Variants in DHCR24 observed in about 807,000 individuals in gnomAD.
The protein encoded by DHCR24 is 24-dehydrocholesterol reductase.
In DHCR24, 28 loss-of-function variants were observed where a neutral mutation model predicts 61.2. The observed-to-expected ratio is 0.46, with a 90% CI of 0.34 to 0.63. The LOEUF is 0.63. Ranked by LOEUF, DHCR24 falls within the 20% of genes least tolerant of loss-of-function variation. The probability of loss-of-function intolerance (pLI) is 0.01; values close to 1 mark genes in which losing one functional copy is unlikely to be tolerated. For synonymous variants in DHCR24, 261 were observed against 275.9 expected (o/e 0.95, Z 0.54); for missense variants, 538 against 679.1 (o/e 0.79, Z 2.31).
chr1:54,880,688 C>T (rs1250517009), intron 2 of DHCR24, among the ~76,000 whole-genome samples: 1 of 152,112 alleles, frequency 6.6e-6, no homozygotes, highest in Non-Finnish European at 1.5e-5. Flanking sequence ...TTGCTTGAAA[C>T]CGGGAGATGG....
At position 54,875,101 on chromosome 1, in the gene DHCR24, A is replaced by G; in HGVS notation, c.604T>C (p.Cys202Arg). The change falls in exon 4 of 9, where the codon TGC (cysteine) becomes CGC (arginine). Residue 202 changes from cysteine (C) to arginine (R), a missense_variant. Physicochemically the swap from Cys to Arg is radical, Grantham distance 180 (BLOSUM62 -3). Transcript: ENST00000371269. ...LVLADGSFVR[C>R]TPSENSDLFY... ...CCCATTGCTGAACTCACCGGAGTGC[A>G]TCGCACAAAGCTGCCATCAGCCAGG... The G allele has an allele frequency of 1.9e-6, 3 of 1,614,048 alleles. No individual in the cohort carries two copies. Among genetic ancestry groups the G allele is most frequent in the Non-Finnish European group, 2.5e-6 (3 of 1,179,890 alleles).
rs1172133584 is a variant in DHCR24, at chr1:54,871,416, C to G, written c.810G>C (p.Leu270=). The G allele has an allele frequency of 6.2e-7, 1 of 1,614,088 alleles. No homozygotes were observed. Among genetic ancestry groups the G allele is most frequent in the African/African-American group, 1.3e-5 (1 of 74,948 alleles). The stretch of plus-strand genomic sequence containing the variant: ...TGACAGCCTCATCCAGGGAGTAGAG[C>G]AGCCCTTCCACGAAGTGGTTCTCCT... ...QRQENHFVEG[L]LYSLDEAVIM... The change falls in exon 5 of 9, where the codon CTG becomes CTC. Residue 270 remains leucine (L), a synonymous_variant. Transcript: ENST00000371269.
At chr1:54,878,087 T>G (rs952429494) in intron 2 of DHCR24, among the ~76,000 whole-genome samples, 4 of 145,964 alleles carry the variant, frequency 2.7e-5, no homozygotes, top group Admixed American at 6.8e-5. Context: ...GAGGAGAGAG[T>G]TGCACAGAGA....
chr1:54,857,227 G>A (rs555844647), intron 6 of DHCR24, among the ~76,000 whole-genome samples: 18 of 152,318 alleles, frequency 1.2e-4, no homozygotes, highest in African/African-American at 4.3e-4. Flanking sequence ...CCCTTGCTGA[G>A]GCCAGTCATT....
At chr1:54,862,462 G>A (rs561060592) in intron 6 of DHCR24, among the ~76,000 whole-genome samples, 38 of 152,150 alleles carry the variant, frequency 2.5e-4, no homozygotes, top group Non-Finnish European at 4.9e-4. Context: ...TCCTGAAACA[G>A]TCTTCCCTTA....
intron 4 of DHCR24, among the ~76,000 whole-genome samples, chr1:54,872,918 A>G (rs1299011250): frequency 1.3e-5 from 2 of 152,078 alleles, no homozygotes; most frequent in East Asian, 3.8e-4. Context: ...GAAGTGAAGG[A>G]GTCGGGTGGC....
chr1:54,852,091 G>T lies in DHCR24; in HGVS notation c.*142C>A. ...CTGGGCTGCCCCCTGGAAGCCAGGAGGAAGGTGGTGTTGGGCTGTCAGGGT... is the reference window on the plus strand; with the variant it reads ...CTGGGCTGCCCCCTGGAAGCCAGGATGAAGGTGGTGTTGGGCTGTCAGGGT... On this transcript the variant is annotated 3_prime_UTR_variant, in exon 9 of 9. Coordinates refer to ENST00000371269, the MANE Select transcript of DHCR24 (RefSeq NM_014762.4). 1.0e-6 allele frequency: 1 copy of T among 962,016 alleles called. No homozygotes were observed. Among genetic ancestry groups the T allele is most frequent in the Non-Finnish European group, 1.5e-6 (1 of 645,758 alleles). 59.6% of individuals were successfully genotyped at this position (962,016 alleles called of 1,614,324 possible). A position where few individuals can be genotyped will look rare whatever the true frequency, so the allele number is the denominator to read the frequency against.
intron 6 of DHCR24, among the ~76,000 whole-genome samples, chr1:54,863,258 T>C (rs1445470101): frequency 6.6e-6 from 1 of 152,106 alleles, no homozygotes; most frequent in African/African-American, 2.4e-5. Flanking sequence ...ACTCTTCCAC[T>C]CTTGTCCACT....
intron 6 of DHCR24, among the ~76,000 whole-genome samples, chr1:54,856,655 AATTT>A (rs1163274093): frequency 6.6e-6 from 1 of 152,200 alleles, no homozygotes; most frequent in Non-Finnish European, 1.5e-5. Context: ...GATGTGTCAT[AATTT>A]ATTTAATCAC....
chr1:54,853,373 C>T, intron 8 of DHCR24, 61 bp downstream of exon 8: 1 of 1,607,184 alleles, frequency 6.2e-7, no homozygotes, highest in Non-Finnish European at 8.5e-7. Context: ...GCCTCATTCC[C>T]CTGGAGCAGT....
chr1:54,860,634 C>T (rs536105918), intron 6 of DHCR24, among the ~76,000 whole-genome samples: 1 of 152,266 alleles, frequency 6.6e-6, no homozygotes, highest in East Asian at 1.9e-4. Flanking sequence ...TTCCCCGAAT[C>T]CCATCATCCT....
Position 54,853,421 on chromosome 1 carries a change from C to G in DHCR24, c.1397+13G>C, listed in dbSNP as rs372039882. ...TCAGCTAGAGGCAACATACTATACT[C>G]TGGGCCACTCACCCATGCACGCTGC... is the stretch of plus-strand genomic sequence containing the variant. On this transcript the variant is annotated intron_variant, in intron 8 of 8. Coordinates refer to ENST00000371269, the MANE Select transcript of DHCR24 (RefSeq NM_014762.4). 1 of 1,614,006 alleles carries G rather than the reference C, an allele frequency of 6.2e-7. No individual in the cohort carries two copies. Among genetic ancestry groups the G allele is most frequent in the Non-Finnish European group, 8.5e-7 (1 of 1,179,994 alleles).
Position 54,853,482 on chromosome 1 carries a change from G to A in DHCR24, c.1349C>T (p.Ala450Val), listed in dbSNP as rs773720556. ...YGEPRVKHFEARSCMRQLEKF... is the reference protein window; with the variant it reads ...YGEPRVKHFEVRSCMRQLEKF... ...CTCCAGCTGCCTCATGCAGGACCTGGCTTCAAAGTGTTTCACACGCGGCTC... is the reference window on the plus strand; with the variant it reads ...CTCCAGCTGCCTCATGCAGGACCTGACTTCAAAGTGTTTCACACGCGGCTC... Residue 450 changes from alanine to valine, a missense_variant, in exon 8 of 9, where the codon GCC becomes GTC. Transcript: ENST00000371269. 9.3e-6 allele frequency: 15 copies of A among 1,614,170 alleles called. No homozygotes were observed. Among genetic ancestry groups the A allele is most frequent in the Non-Finnish European group, 1.3e-5 (15 of 1,180,034 alleles).
At chr1:54,853,358 AG>A in intron 8 of DHCR24, 75 bp downstream of exon 8, 1 of 1,582,606 alleles carries the variant, frequency 6.3e-7, no homozygotes, top group Non-Finnish European at 8.6e-7. Context: ...TTCTCCATAG[AG>A]CTGGCCTCAT....
At position 54,871,338 on chromosome 1, in the gene DHCR24, A is replaced by G; in HGVS notation, c.876+12T>C. ...CCAGTCTTGGTCAGCAGCAGCTGAC[A>G]CCCTGGCTTACCTTGCTGGGCTCTG... On this transcript the variant is annotated intron_variant, in intron 5 of 8. Transcript: ENST00000371269. The G allele has an allele frequency of 6.2e-7, 1 of 1,613,794 alleles. No individual in the cohort carries two copies. The highest frequency in any genetic ancestry group is 1.7e-5 in the Admixed American group (1 of 60,016).
rs750178678 is a variant in DHCR24 at position 54,853,431 on chromosome 1, C to T, written c.1397+3G>A. The T allele has an allele frequency of 3.7e-6, 6 of 1,614,184 alleles. No individual in the cohort carries two copies. Among genetic ancestry groups the T allele is most frequent in the Non-Finnish European group, 5.1e-6 (6 of 1,180,016 alleles). On this transcript the variant is annotated splice_donor_region_variant and intron_variant, in intron 8 of 8. Transcript: ENST00000371269. ...GCAACATACTATACTCTGGGCCACTCACCCATGCACGCTGCGGACAAACTT... is the reference window on the plus strand; with the variant it reads ...GCAACATACTATACTCTGGGCCACTTACCCATGCACGCTGCGGACAAACTT...
chr1:54,858,203 A>G (rs2101559420), intron 6 of DHCR24, among the ~76,000 whole-genome samples: 1 of 152,382 alleles, frequency 6.6e-6, no homozygotes, highest in Non-Finnish European at 1.5e-5. Context: ...GCTGACACTC[A>G]GGGAGAACTG....
At chr1:54,859,588 C>T (rs542363929) in intron 6 of DHCR24, among the ~76,000 whole-genome samples, 2 of 152,204 alleles carry the variant, frequency 1.3e-5, no homozygotes, top group South Asian at 4.2e-4. Flanking sequence ...CCTCAGCCTC[C>T]CTTGTAGCTG....
At chr1:54,865,506 G>A (rs769071422) in intron 5 of DHCR24, 60 bp from the exon 6 acceptor site, 9 of 1,608,214 alleles carry the variant, frequency 5.6e-6, no homozygotes, top group Non-Finnish European at 7.6e-6. Context: ...CCATCGGGGT[G>A]TAACAGCGAC....
Sources: gnomAD v4.1 joint callset for allele counts (sites outside exome capture counted in the v4.1 genomes callset) on GRCh38, gnomAD v4.1.1 for gene constraint, MANE v1.5 for transcripts, NCBI Gene and HGNC (gene_info 2026-07-23, HGNC 2026-07-21) for gene names.